Variants in ITSN2 observed in about 807,000 individuals in gnomAD.
ITSN2 encodes the protein intersectin 2.
Under a neutral mutation model 243.7 loss-of-function variants are expected in ITSN2, and 156 were observed. That is an observed-to-expected ratio of 0.64 (90% CI 0.56 to 0.73). ITSN2 has a LOEUF of 0.73. ITSN2 is among the 30% of genes least tolerant of loss of function. The pLI is 0.00. For synonymous variants in ITSN2, 703 were observed against 699.9 expected, an observed-to-expected ratio of 1.00 and a Z score of -0.07; for missense variants, 1,801 against 1,996.1, an observed-to-expected ratio of 0.90 and a Z score of 1.86.
chr2:24,209,710 G>T, intron 35 of ITSN2, 108 bp downstream of exon 35: 1 of 837,922 alleles, frequency 1.2e-6, no homozygotes, highest in Non-Finnish European at 2.0e-6. Context: ...TCTGGAACCA[G>T]GTGAGGAGGG....
chr2:24,240,729 CTG>C (rs1331853776), intron 29 of ITSN2: 9 of 152,142 alleles, frequency 5.9e-5, no homozygotes. Flanking sequence ...AAATATGACT[CTG>C]TGATTGTATA....
chr2:24,271,913 A>C lies in ITSN2; in HGVS notation c.2110T>G (p.Trp704Gly). 1.9e-6 allele frequency: 3 copies of C among 1,580,248 alleles called. No homozygotes were observed. Among genetic ancestry groups the C allele is most frequent in the Non-Finnish European group, 2.6e-6 (3 of 1,165,666 alleles). ...TCCTCCTTTCTAAGATTTTCTTTCCATAAGTTTTCTTTTCCTTGCTTTGCT... is the reference window on the plus strand; with the variant it reads ...TCCTCCTTTCTAAGATTTTCTTTCCCTAAGTTTTCTTTTCCTTGCTTTGCT... ...RKAKQGKENL[W>G]KENLRKEEEE... The change falls in exon 19 of 40, where the codon TGG becomes GGG. Residue 704 changes from tryptophan (W) to glycine (G), a missense_variant. Around this residue, in one of 5 missense-constraint regions of ITSN2, gnomAD observed 787 missense variants for 803.9 expected, o/e 0.98. Transcript: ENST00000355123.
chr2:24,311,142 G>A (rs540333178), intron 5 of ITSN2, among the ~76,000 whole-genome samples: 124 of 152,064 alleles, frequency 8.2e-4, no homozygotes, highest in Non-Finnish European at 1.5e-3. Flanking sequence ...GTTCTAAGTA[G>A]TAGATACTTT....
chr2:24,332,966 T>A (rs1267932531), intron 1 of ITSN2, among the ~76,000 whole-genome samples: 1 of 152,222 alleles, frequency 6.6e-6, no homozygotes, highest in Non-Finnish European at 1.5e-5. Context: ...ACTGACAAGC[T>A]TGTAGACTTA....
rs11890533 is a variant in ITSN2, at chr2:24,248,605, T to C, written c.3288+24A>G. On this transcript the variant is annotated intron_variant, in intron 27 of 39. Coordinates refer to ENST00000355123, the MANE Select transcript of ITSN2 (RefSeq NM_006277.3). Reference sequence around the variant, plus strand: ...TGCAGTACTTTTATAATAAAATTTATAGATGCTATTTAAAGAATATTACCT... The same window carrying C: ...TGCAGTACTTTTATAATAAAATTTACAGATGCTATTTAAAGAATATTACCT... The C allele has an allele frequency of 5.7e-3, 8,881 of 1,559,600 alleles. 402 individuals carry two copies. The African/African-American group carries it at 0.099, about 17-fold the overall frequency.
chr2:24,295,715 C>A lies in ITSN2; in HGVS notation c.1584G>T (p.Lys528Asn). Residue 528 changes from lysine to asparagine, a missense_variant, in exon 14 of 40, where the codon AAG (lysine) becomes AAT (asparagine). Lys to Asn is a moderately conservative substitution (Grantham distance 94). Around this residue, in one of 5 missense-constraint regions of ITSN2, gnomAD observed 787 missense variants for 803.9 expected, o/e 0.98. Coordinates refer to ENST00000355123, the MANE Select transcript of ITSN2 (RefSeq NM_006277.3). ...TQKTELEVLDKQCDLEIMEIK... is the reference protein window; with the variant it reads ...TQKTELEVLDNQCDLEIMEIK... Reference sequence around the variant, plus strand: ...TTTCCATAATTTCCAAGTCACACTGCTTATCCAGAACTTCCAGCTCAGTCT... The same window carrying A: ...TTTCCATAATTTCCAAGTCACACTGATTATCCAGAACTTCCAGCTCAGTCT... 6.4e-7 allele frequency: 1 copy of A among 1,562,588 alleles called. No individual in the cohort carries two copies. Among genetic ancestry groups the A allele is most frequent in the Non-Finnish European group, 8.6e-7 (1 of 1,162,134 alleles).
chr2:24,334,848 G>A, intron 1 of ITSN2: 2 of 680,020 alleles, frequency 2.9e-6, no homozygotes, highest in Admixed American at 2.3e-5. Context: ...CGGATCACGA[G>A]GTCAGGAGAT....
chr2:24,262,183 TC>T (rs1675988519), intron 20 of ITSN2, among the ~76,000 whole-genome samples: 1 of 152,220 alleles, frequency 6.6e-6, no homozygotes, highest in South Asian at 2.1e-4. Context: ...GATTGACCTC[TC>T]TTTCACTGTA....
chr2:24,318,457 A>G (rs1296198053), intron 2 of ITSN2, among the ~76,000 whole-genome samples: 1 of 152,102 alleles, frequency 6.6e-6, no homozygotes, highest in African/African-American at 2.4e-5. Flanking sequence ...TCTGACATGG[A>G]TGCACTTTTA....
At chr2:24,234,334 T>TA (rs1380112650) in intron 29 of ITSN2, among the ~76,000 whole-genome samples, 2 of 151,212 alleles carry the variant, frequency 1.3e-5, no homozygotes, top group Non-Finnish European at 2.9e-5. Context: ...TCTCTACTGT[T>TA]CGCAAAAATC....
At position 24,356,635 on chromosome 2, in the gene ITSN2, C is replaced by G. The variant is rs577039004; in HGVS notation, c.-34+3669G>C. Among the ~76,000 whole-genome samples the G allele has an allele frequency of 1.2e-3, 179 of 152,174 alleles. 1 individual carries two copies. Among genetic ancestry groups the G allele is most frequent in the African/African-American group, 4.3e-3 (178 of 41,520 alleles). On this transcript the variant is annotated intron_variant, in intron 1 of 39. Transcript: ENST00000355123. ...TGCAAATCAAAACCACAATGATGGC[C>G]GGGTGCAGTGGCTCAAGCCTGTAAT...
upstream of ITSN2, chr2:24,360,595 C>A (rs1286338408): frequency 1.3e-5 from 2 of 152,276 alleles, no homozygotes; most frequent in African/African-American, 2.4e-5. Context: ...GGCCCGCCCG[C>A]TGCCGGGCAC....
intron 22 of ITSN2, among the ~76,000 whole-genome samples, chr2:24,259,351 T>C (rs1299805448): frequency 6.6e-6 from 1 of 152,258 alleles, no homozygotes; most frequent in African/African-American, 2.4e-5. Flanking sequence ...ACCATAGCAC[T>C]TGTTCAAACC....
At chr2:24,209,294 G>A in intron 35 of ITSN2, 73 bp from the exon 36 acceptor site, 1 of 1,567,992 alleles carries the variant, frequency 6.4e-7, no homozygotes, top group South Asian at 1.1e-5. Flanking sequence ...TCCAGAGAGA[G>A]TTCTGTTTGT....
At chr2:24,220,852 A>C in intron 30 of ITSN2, 93 bp downstream of exon 30, 1 of 1,479,624 alleles carries the variant, frequency 6.8e-7, no homozygotes, top group Non-Finnish European at 8.9e-7. Flanking sequence ...CCTTGCTTTG[A>C]CTCTGCGTGG....
chr2:24,212,029 C>A (rs911952031), intron 33 of ITSN2, among the ~76,000 whole-genome samples: 3 of 152,188 alleles, frequency 2.0e-5, no homozygotes, highest in African/African-American at 7.2e-5. Flanking sequence ...TTGTAAGTTA[C>A]TGTAATCAAT....
chr2:24,226,731 A>T (rs1266412435), intron 29 of ITSN2, among the ~76,000 whole-genome samples: 3 of 152,176 alleles, frequency 2.0e-5, no homozygotes, highest in Admixed American at 2.0e-4. Flanking sequence ...TCATGTGGTT[A>T]TTCTGGTTTT....
At chr2:24,337,648 CTTTTT>C (rs751387126) in intron 1 of ITSN2, among the ~76,000 whole-genome samples, 3 of 117,716 alleles carry the variant, frequency 2.5e-5, no homozygotes, top group Non-Finnish European at 5.4e-5. Flanking sequence ...CCACGCCTGG[CTTTTT>C]TTTTTTTTTT....
intron 2 of ITSN2, among the ~76,000 whole-genome samples, chr2:24,325,048 T>C (rs1685008540): frequency 6.6e-6 from 1 of 152,144 alleles, no homozygotes; most frequent in East Asian, 1.9e-4. Flanking sequence ...AGTGTTCAAA[T>C]AACCTTTTAA....
Sources: gnomAD v4.1 joint callset for allele counts (sites outside exome capture counted in the v4.1 genomes callset) on GRCh38, gnomAD v4.1.1 for gene constraint, gnomAD v4.1.1 regional missense constraint, MANE v1.5 for transcripts, NCBI Gene and HGNC (gene_info 2026-07-23, HGNC 2026-07-21) for gene names.